RAPGEF6: variants seen among roughly 807,000 people sequenced by gnomAD.
RAPGEF6 encodes Rap guanine nucleotide exchange factor 6.
In RAPGEF6, 56 loss-of-function variants were observed where a neutral mutation model predicts 171.4. That is an observed-to-expected ratio of 0.33 (90% CI 0.26 to 0.41). The LOEUF (loss-of-function observed/expected upper bound fraction) is 0.41, where lower values mean the gene tolerates loss of function less well. Ranked by LOEUF, RAPGEF6 falls within the 10% of genes least tolerant of loss-of-function variation. The pLI is 1.00. For synonymous variants in RAPGEF6, 692 were observed against 650.1 expected (o/e 1.06, Z -0.98); for missense variants, 1,674 against 1,921.4 (o/e 0.87, Z 2.41).
intron 11 of RAPGEF6, among the ~76,000 whole-genome samples, chr5:131,503,978 TTA>T (rs1757187421): frequency 6.6e-6 from 1 of 152,212 alleles, no homozygotes; most frequent in African/African-American, 2.4e-5. Flanking sequence ...ACTTATGCTT[TTA>T]TGACTGGTCC....
At chr5:131,552,246 G>A (rs747294540) in intron 5 of RAPGEF6, among the ~76,000 whole-genome samples, 9 of 151,650 alleles carry the variant, frequency 5.9e-5, no homozygotes, top group Non-Finnish European at 8.8e-5. Context: ...AAGGGGACAG[G>A]AAGAAAACTT....
At chr5:131,547,956 G>T in intron 6 of RAPGEF6, 91 bp downstream of exon 6, 3 of 1,382,186 alleles carry the variant, frequency 2.2e-6, no homozygotes, top group Non-Finnish European at 3.0e-6. Flanking sequence ...ACAGAGCCCA[G>T]CATGTTGATA....
intron 4 of RAPGEF6, among the ~76,000 whole-genome samples, chr5:131,576,440 G>A (rs1007106376): frequency 5.9e-5 from 9 of 152,102 alleles, no homozygotes; most frequent in African/African-American, 2.2e-4. Flanking sequence ...ACATCACCAT[G>A]CTGTTATATG....
intron 15 of RAPGEF6, among the ~76,000 whole-genome samples, chr5:131,483,114 T>C (rs1173175200): frequency 6.6e-6 from 1 of 151,982 alleles, no homozygotes; most frequent in African/African-American, 2.4e-5. Context: ...TTTGGGAGGC[T>C]GAGGAGGGTG....
At chr5:131,571,551 T>A (rs568236785) in intron 4 of RAPGEF6, among the ~76,000 whole-genome samples, 47 of 152,234 alleles carry the variant, frequency 3.1e-4, no homozygotes, top group Admixed American at 4.6e-4. Context: ...CTGCAAAACA[T>A]CATTGAGAGA....
intron 7 of RAPGEF6, among the ~76,000 whole-genome samples, chr5:131,512,630 T>C (rs535790693): frequency 1.3e-5 from 2 of 152,318 alleles, no homozygotes; most frequent in South Asian, 2.1e-4. Flanking sequence ...CTAGACTAAA[T>C]ACTCAAATTG....
chr5:131,450,079 T>C (rs1299349721), intron 21 of RAPGEF6: 1 of 1,533,040 alleles, frequency 6.5e-7, no homozygotes, highest in Non-Finnish European at 8.8e-7. Flanking sequence ...TTGAAGCATG[T>C]GTTTGAATAG....
chr5:131,570,148 T>G (rs1423472513), intron 4 of RAPGEF6, among the ~76,000 whole-genome samples: 1 of 149,180 alleles, frequency 6.7e-6, no homozygotes, highest in Non-Finnish European at 1.5e-5. Context: ...ATTCTTACAA[T>G]TTGATAAGAC....
intron 4 of RAPGEF6, 108 bp from the exon 5 acceptor site, chr5:131,562,155 G>A: frequency 2.8e-5 from 18 of 640,980 alleles, no homozygotes; most frequent in South Asian, 4.4e-5. Context: ...TATTATCCAA[G>A]AAATTCTGAT....
At chr5:131,562,636 A>G (rs756193568) in intron 4 of RAPGEF6, among the ~76,000 whole-genome samples, 1 of 152,194 alleles carries the variant, frequency 6.6e-6, no homozygotes, top group Non-Finnish European at 1.5e-5. Flanking sequence ...GCATCCTTCC[A>G]TATGCTTTAA....
intron 1 of RAPGEF6, among the ~76,000 whole-genome samples, chr5:131,633,517 G>A (rs1040096984): frequency 5.3e-5 from 8 of 152,032 alleles, no homozygotes; most frequent in African/African-American, 1.9e-4. Context: ...ATCACTTGAG[G>A]TCATGAGTTT....
At chr5:131,586,885 G>A (rs1408440673) in intron 4 of RAPGEF6, among the ~76,000 whole-genome samples, 1 of 152,132 alleles carries the variant, frequency 6.6e-6, no homozygotes, top group Non-Finnish European at 1.5e-5. Context: ...ACACCCTGTT[G>A]AGACAGTCAA....
intron 15 of RAPGEF6, among the ~76,000 whole-genome samples, chr5:131,486,076 A>AG (rs1276925574): frequency 5.3e-5 from 8 of 152,254 alleles, no homozygotes; most frequent in African/African-American, 1.9e-4. Flanking sequence ...TTGGTCACCT[A>AG]GATGGTCAGT....
intron 1 of RAPGEF6, 42 bp from the exon 2 acceptor site, chr5:131,604,735 G>A: frequency 1.3e-6 from 2 of 1,562,148 alleles, no homozygotes; most frequent in Non-Finnish European, 8.7e-7. Flanking sequence ...TTTCAAATAT[G>A]CTGTTTAAAA....
At chr5:131,531,143 C>A (rs1759341909) in intron 6 of RAPGEF6, among the ~76,000 whole-genome samples, 1 of 152,148 alleles carries the variant, frequency 6.6e-6, no homozygotes, top group African/African-American at 2.4e-5. Flanking sequence ...AACAGAAAAA[C>A]ACCACGATGC....
chr5:131,495,621 T>G lies in RAPGEF6; in HGVS notation c.1459A>C (p.Asn487His). 1 of 1,613,716 alleles carries G rather than the reference T, an allele frequency of 6.2e-7. No homozygotes were observed. The highest frequency in any genetic ancestry group is 8.5e-7 in the Non-Finnish European group (1 of 1,179,786). Residue 487 changes from asparagine (N) to histidine (H), a missense_variant, in exon 13 of 28, where the codon AAT (asparagine) becomes CAT (histidine). Transcript: ENST00000509018. ...ATAGCAGGGTCACCTTCAAAATCAT[T>G]AAAATGATTATTTACCCATAATAAT... The part of the protein sequence containing the change: ...IVLLWVNNHF[N>H]DFEGDPAMTR...
intron 4 of RAPGEF6, among the ~76,000 whole-genome samples, chr5:131,564,912 G>C (rs186057530): frequency 6.6e-6 from 1 of 152,302 alleles, no homozygotes; most frequent in Non-Finnish European, 1.5e-5. Flanking sequence ...GCTTCAGACA[G>C]TGTCAACTTG....
At chr5:131,558,225 T>G (rs1428268780) in intron 5 of RAPGEF6, among the ~76,000 whole-genome samples, 2 of 151,968 alleles carry the variant, frequency 1.3e-5, no homozygotes, top group Non-Finnish European at 2.9e-5. Context: ...TTGGTTTTTT[T>G]TTTTTTTTTC....
Position 131,505,417 on chromosome 5 carries a change from G to A in RAPGEF6, c.1048C>T (p.Leu350=). The A allele has an allele frequency of 6.2e-7, 1 of 1,613,590 alleles. No individual in the cohort carries two copies. Among genetic ancestry groups the A allele is most frequent in the Non-Finnish European group, 8.5e-7 (1 of 1,179,688 alleles). The part of the protein sequence containing the change: ...MGNSFGITPT[L]DKQYMHGIVR... ...ATTCCATGCATGTACTGCTTATCCA[G>A]AGTGGGAGTAATTCCAAAACTATTT... Residue 350 remains leucine, a synonymous_variant, in exon 10 of 28, where the codon CTG becomes TTG. Coordinates refer to ENST00000509018, the MANE Select transcript of RAPGEF6 (RefSeq NM_016340.6).
Sources: allele counts gnomAD v4.1 joint callset (sites outside exome capture counted in the v4.1 genomes callset), GRCh38; gene constraint gnomAD v4.1.1; transcripts MANE v1.5; gene names NCBI Gene and HGNC (gene_info 2026-07-23, HGNC 2026-07-21).